The following NDST4 variants were observed in gnomAD, a reference collection of about 807,000 sequenced individuals.
The protein encoded by NDST4 is N-heparan sulfate sulfotransferase 4.
Under a neutral mutation model 100.8 loss-of-function variants are expected in NDST4, and 63 were observed. That is an observed-to-expected ratio of 0.62 (90% confidence interval 0.51 to 0.77). The LOEUF is 0.77. Ranked by LOEUF, NDST4 falls within the 30% of genes least tolerant of loss-of-function variation. The pLI is 0.00. For synonymous variants in NDST4, 377 were observed against 361.8 expected (o/e 1.04, Z -0.48); for missense variants, 943 against 1,018.4 (o/e 0.93, Z 1.01).
chr4:114,867,666 A>AAAAAAAAAAAAAAAAG (rs1724061919), intron 7 of NDST4, among the ~76,000 whole-genome samples: 2 of 16,892 alleles, frequency 1.2e-4, no homozygotes, highest in South Asian at 1.2e-3. Flanking sequence ...AAAAAAAAGC[A>AAAAAAAAAAAAAAAAG]AAAAAAAAAA....
intron 2 of NDST4, among the ~76,000 whole-genome samples, chr4:114,993,155 A>G (rs1727077115): frequency 6.6e-6 from 1 of 151,944 alleles, no homozygotes; most frequent in Non-Finnish European, 1.5e-5. Flanking sequence ...TTATAATTTT[A>G]GCTGAGGCAT....
intron 10 of NDST4, among the ~76,000 whole-genome samples, chr4:114,840,313 C>G (rs1318935036): frequency 6.6e-6 from 1 of 152,160 alleles, no homozygotes; most frequent in East Asian, 1.9e-4. Context: ...ATTTAACAGT[C>G]AATACAATTT....
intron 1 of NDST4, among the ~76,000 whole-genome samples, chr4:115,110,188 T>C (rs184768236): frequency 6.6e-6 from 1 of 151,992 alleles, no homozygotes; most frequent in Non-Finnish European, 1.5e-5. Flanking sequence ...CCTGTATATA[T>C]GTGTACACAT....
chr4:115,009,299 A>G lies in NDST4; in HGVS notation c.979-32025T>C, dbSNP rs1211894225. 1.5e-5 allele frequency among the ~76,000 whole-genome samples: 2 copies of G among 129,556 alleles called. 1 individual carries two copies. Among genetic ancestry groups the G allele is most frequent in the Non-Finnish European group, 3.3e-5 (2 of 60,448 alleles). The allele number at this position is 129,556 out of a possible 152,430, so 85.0% of individuals were successfully genotyped here. The stretch of plus-strand genomic sequence containing the variant: ...ACTTCATACTATACTACAAGGCTAC[A>G]GTAACCAAAACAGCATGGTACTGGT... On this transcript the variant is annotated intron_variant, in intron 2 of 13. Coordinates refer to ENST00000264363, the MANE Select transcript of NDST4 (RefSeq NM_022569.3).
rs567187448 is a variant in NDST4 at position 115,023,284 on chromosome 4, G to A, written c.979-46010C>T. Among the ~76,000 whole-genome samples, 14 of 152,138 alleles carry A rather than the reference G, an allele frequency of 9.2e-5. No homozygotes were observed. In the South Asian group the frequency reaches 2.3e-3, roughly 25 times the overall value. ...GCAGATCACTTGAGGTCCGGAGTTC[G>A]AGACCAGCCTGACCAACATGGAGAA... On this transcript the variant is annotated intron_variant, in intron 2 of 13. Coordinates refer to ENST00000264363, the MANE Select transcript of NDST4 (RefSeq NM_022569.3).
chr4:114,987,885 G>A (rs551436941), intron 2 of NDST4, among the ~76,000 whole-genome samples: 2 of 152,174 alleles, frequency 1.3e-5, no homozygotes, highest in East Asian at 3.9e-4. Context: ...TGTCTTTTGG[G>A]GTCATGATCT....
intron 2 of NDST4, among the ~76,000 whole-genome samples, chr4:115,058,167 T>C (rs181195986): frequency 1.7e-3 from 259 of 152,226 alleles, no homozygotes; most frequent in African/African-American, 5.9e-3. Flanking sequence ...GTCTCCTCTG[T>C]AAACACAGAG....
At chr4:115,095,033 A>G (rs546882427) in intron 1 of NDST4, among the ~76,000 whole-genome samples, 6 of 152,298 alleles carry the variant, frequency 3.9e-5, no homozygotes, top group South Asian at 2.1e-4. Flanking sequence ...AAGGCTCCCA[A>G]CACAATGTCA....
At chr4:114,970,840 T>C (rs35633534) in intron 3 of NDST4, among the ~76,000 whole-genome samples, 31 of 152,256 alleles carry the variant, frequency 2.0e-4, no homozygotes, top group Non-Finnish European at 3.7e-4. Flanking sequence ...TATTTTATAC[T>C]CTTACATATA....
At chr4:114,886,435 C>T (rs1235628890) in intron 6 of NDST4, among the ~76,000 whole-genome samples, 1 of 151,998 alleles carries the variant, frequency 6.6e-6, no homozygotes, top group East Asian at 1.9e-4. Context: ...AAAACACTTT[C>T]CGGTAGCTGT....
At chr4:114,909,754 A>G (rs1462746081) in intron 6 of NDST4, among the ~76,000 whole-genome samples, 2 of 152,008 alleles carry the variant, frequency 1.3e-5, no homozygotes, top group East Asian at 3.8e-4. Flanking sequence ...TTAAGATATC[A>G]TCGGTTTCCT....
At chr4:114,963,937 CT>C (rs1726323108) in intron 4 of NDST4, among the ~76,000 whole-genome samples, 1 of 152,274 alleles carries the variant, frequency 6.6e-6, no homozygotes, top group Admixed American at 6.5e-5. Flanking sequence ...TCGCTGTCTC[CT>C]GATATTCCCT....
intron 3 of NDST4, among the ~76,000 whole-genome samples, chr4:114,973,426 C>T (rs770483133): frequency 4.6e-5 from 7 of 151,886 alleles, no homozygotes; most frequent in Non-Finnish European, 1.0e-4. Flanking sequence ...TAGCATGTTA[C>T]AGACCATTAA....
chr4:114,907,705 G>A (rs1422450888), intron 6 of NDST4, among the ~76,000 whole-genome samples: 1 of 151,898 alleles, frequency 6.6e-6, no homozygotes, highest in African/African-American at 2.4e-5. Flanking sequence ...TTAGGGGAGA[G>A]GTAACTACCT....
At chr4:114,909,460 A>G (rs1578381852) in intron 6 of NDST4, among the ~76,000 whole-genome samples, 2 of 151,498 alleles carry the variant, frequency 1.3e-5, no homozygotes, top group African/African-American at 4.9e-5. Flanking sequence ...GGAGATCGAG[A>G]CCATCCTGGC....
intron 4 of NDST4, among the ~76,000 whole-genome samples, chr4:114,948,273 C>T (rs1329724129): frequency 1.3e-5 from 2 of 151,446 alleles, no homozygotes; most frequent in Non-Finnish European, 2.9e-5. Flanking sequence ...TGTCACTTCC[C>T]TCCCCCACCC....
chr4:114,868,108 GA>G (rs1289857774), intron 7 of NDST4, among the ~76,000 whole-genome samples: 27 of 152,078 alleles, frequency 1.8e-4, no homozygotes, highest in African/African-American at 6.3e-4. Context: ...AAGAATGTGT[GA>G]ATTGAAAATC....
At chr4:114,864,180 G>A (rs1468967561) in intron 7 of NDST4, among the ~76,000 whole-genome samples, 1 of 152,090 alleles carries the variant, frequency 6.6e-6, no homozygotes, top group African/African-American at 2.4e-5. Context: ...TCCAGGTCAC[G>A]TGCCTATTCT....
At chr4:115,083,495 A>T (rs1049551149) in intron 1 of NDST4, among the ~76,000 whole-genome samples, 5 of 152,144 alleles carry the variant, frequency 3.3e-5, no homozygotes, top group Admixed American at 1.3e-4. Flanking sequence ...AAAAATTATT[A>T]TATAAACATT....
Sources: gnomAD v4.1 joint callset for allele counts (sites outside exome capture counted in the v4.1 genomes callset) on GRCh38, gnomAD v4.1.1 for gene constraint, MANE v1.5 for transcripts, NCBI Gene and HGNC (gene_info 2026-07-23, HGNC 2026-07-21) for gene names.